Variants in DNAH8 observed in about 807,000 individuals in gnomAD.
DNAH8 encodes axonemal beta dynein heavy chain 8.
Under a neutral mutation model 562.1 loss-of-function variants are expected in DNAH8, and 382 were observed. The ratio of observed to expected loss-of-function variants is 0.68; its 90% CI spans 0.63 to 0.74. The LOEUF (loss-of-function observed/expected upper bound fraction) is 0.74, where lower values mean the gene tolerates loss of function less well. DNAH8 is among the 30% of genes least tolerant of loss of function. The pLI is 0.00. For missense variants in DNAH8, 5,203 were observed against 5,620.4 expected (o/e 0.93, Z 2.37); for synonymous variants, 1,881 against 1,919.4 (o/e 0.98, Z 0.52).
At chr6:38,886,198 G>A (rs1778908120) in intron 56 of DNAH8, among the ~76,000 whole-genome samples, 1 of 152,130 alleles carries the variant, frequency 6.6e-6, no homozygotes, top group Non-Finnish European at 1.5e-5. Flanking sequence ...ACAGTTACAT[G>A]TGAGGGATGA....
Position 38,917,234 on chromosome 6 carries a change from TA to T in DNAH8, c.10141-4del, listed in dbSNP as rs11291395. On this transcript the variant is annotated splice_polypyrimidine_tract_variant and splice_region_variant and intron_variant, in intron 68 of 92. Transcript: ENST00000327475. ...CAAAATATTGATCCTTAATCCCAAA[TA>T]TAGACTATCAAGCCAAATGATATTG... 0.44 allele frequency: 704,259 copies of T among 1,599,248 alleles called. 160,040 individuals carry two copies. The highest frequency in any genetic ancestry group is 0.69 in the African/African-American group (51,339 of 74,350).
intron 10 of DNAH8, among the ~76,000 whole-genome samples, chr6:38,760,409 G>A (rs1766373870): frequency 6.6e-6 from 1 of 151,916 alleles, no homozygotes; most frequent in Non-Finnish European, 1.5e-5. Flanking sequence ...TATTCTCCCA[G>A]GAAGCTTTTA....
rs1341087912 is a variant in DNAH8, at chr6:38,842,840, T to C, written c.4782T>C (p.Ser1594=). ...ELTGTPFDVE[S]DSFCLRNIME... is the part of the protein sequence containing the mutation. ...CTGGAACCCCATTTGATGTGGAATC[T>C]GATTCTTTTTGCCTTAGAAATATCA... is the stretch of plus-strand genomic sequence containing the variant. Residue 1594 remains serine (S), a synonymous_variant, in exon 35 of 93, where the codon TCT becomes TCC. Coordinates refer to ENST00000327475, the MANE Select transcript of DNAH8 (RefSeq NM_001206927.2). 7 of 1,613,914 alleles carry C rather than the reference T, an allele frequency of 4.3e-6. No homozygotes were observed. The South Asian group carries it at 7.7e-5, about 18-fold the overall frequency.
chr6:38,891,994 A>G (rs1013602146), intron 58 of DNAH8, among the ~76,000 whole-genome samples: 1 of 152,136 alleles, frequency 6.6e-6, no homozygotes, highest in Non-Finnish European at 1.5e-5. Flanking sequence ...TTTTAGCAGC[A>G]TTTGACCTAA....
chr6:38,899,809 GC>G lies in DNAH8; in HGVS notation c.9098del (p.Ala3033AspfsTer29). On this transcript the variant is annotated frameshift_variant, in exon 62 of 93. Coordinates refer to ENST00000327475, the MANE Select transcript of DNAH8 (RefSeq NM_001206927.2). LOFTEE classifies it high-confidence loss of function. Reference protein sequence around the residue: ...SRIIRTSCGNALLVGVGGSGK... With the variant: ...SRIIRTSCGNXLLVGVGGSGK... ...AATAATTCGAACGTCGTGTGGAAAT[GC>G]ATTGCTGGTGGGTGTTGGTGGTTCC... The G allele has an allele frequency of 6.2e-7, 1 of 1,613,638 alleles. No individual in the cohort carries two copies. Among genetic ancestry groups the G allele is most frequent in the South Asian group, 1.1e-5 (1 of 91,000 alleles).
At chr6:38,887,796 A>G (rs1779056021) in intron 57 of DNAH8, among the ~76,000 whole-genome samples, 1 of 151,358 alleles carries the variant, frequency 6.6e-6, no homozygotes, top group Admixed American at 6.6e-5. Context: ...TAATTATTTG[A>G]TATAGCAAGT....
At chr6:38,843,009 C>G in intron 35 of DNAH8, 106 bp downstream of exon 35, 1 of 1,139,866 alleles carries the variant, frequency 8.8e-7, no homozygotes, top group Non-Finnish European at 1.2e-6. Flanking sequence ...TAATTGCCCT[C>G]TATAATGCAC....
intron 82 of DNAH8, among the ~76,000 whole-genome samples, chr6:38,953,603 T>C (rs1762062815): frequency 6.6e-6 from 1 of 152,166 alleles, no homozygotes; most frequent in African/African-American, 2.4e-5. Context: ...CACTGAAGGA[T>C]CAAATGAATT....
At chr6:38,957,437 A>G (rs879368083) in intron 82 of DNAH8, among the ~76,000 whole-genome samples, 4 of 151,662 alleles carry the variant, frequency 2.6e-5, no homozygotes, top group Non-Finnish European at 5.9e-5. Context: ...TAGAAAATCA[A>G]TAAAGAAACA....
At position 38,854,308 on chromosome 6, in the gene DNAH8, A is replaced by G. The variant is rs567887568; in HGVS notation, c.5733+961A>G. On this transcript the variant is annotated intron_variant, in intron 41 of 92. Coordinates refer to ENST00000327475, the MANE Select transcript of DNAH8 (RefSeq NM_001206927.2). The stretch of plus-strand genomic sequence containing the variant: ...CATTCAAGAGAAATGAAAAGTGATG[A>G]TTTGTGATCTGGCCAGAGAGAGCAT... 2.0e-5 allele frequency among the ~76,000 whole-genome samples: 3 copies of G among 152,268 alleles called. 1 individual carries two copies. In the South Asian group the frequency reaches 6.2e-4, roughly 32 times the overall value.
At position 38,826,332 on chromosome 6, in the gene DNAH8, G is replaced by A. The variant is rs764782306; in HGVS notation, c.4024G>A (p.Ala1342Thr). ...AGATGATGTCAGATTTGCAATGGAA[G>A]CCTTGTCTTGCATACGTGATAATGA... ...DLDDVRFAME[A>T]LSCIRDNEIQ... The change falls in exon 29 of 93, where the codon GCC (alanine) becomes ACC (threonine). Residue 1342 changes from alanine (A) to threonine (T), a missense_variant. This residue lies in a region of DNAH8 where 2,176 missense variants were observed against 2,365.1 expected (regional missense o/e 0.92). Coordinates refer to ENST00000327475, the MANE Select transcript of DNAH8 (RefSeq NM_001206927.2). The A allele has an allele frequency of 1.2e-6, 2 of 1,613,486 alleles. No individual in the cohort carries two copies. The highest frequency in any genetic ancestry group is 8.5e-7 in the Non-Finnish European group (1 of 1,179,708).
In DNAH8 at chr6:38,805,515, A is replaced by C. The variant is rs1771189644; in HGVS notation, c.3069A>C (p.Thr1023=). 1.2e-6 allele frequency: 2 copies of C among 1,610,564 alleles called. No homozygotes were observed. The highest frequency in any genetic ancestry group is 2.7e-5 in the African/African-American group (2 of 74,884). ...AACACGTTGTTTTTGGAAGTGAAAC[A>C]GGAGAGGGTGAAAACAATGACTATG... ...QRKHVVFGSE[T]GEGENNDYEA... Residue 1023 remains threonine, a synonymous_variant, in exon 23 of 93, where the codon ACA becomes ACC. Coordinates refer to ENST00000327475, the MANE Select transcript of DNAH8 (RefSeq NM_001206927.2).
chr6:38,957,886 AAC>A (rs1491133264), intron 82 of DNAH8, among the ~76,000 whole-genome samples: 2 of 151,390 alleles, frequency 1.3e-5, no homozygotes, highest in African/African-American at 2.4e-5. Context: ...AAAAAAAAAA[AAC>A]AAGATCACAA....
At chr6:38,924,516 A>C (rs1330616554) in intron 73 of DNAH8, among the ~76,000 whole-genome samples, 1 of 152,134 alleles carries the variant, frequency 6.6e-6, no homozygotes, top group African/African-American at 2.4e-5. Flanking sequence ...CCCCCAAAAA[A>C]AAGAAACCCA....
intron 70 of DNAH8, among the ~76,000 whole-genome samples, chr6:38,919,848 A>G (rs1161211667): frequency 6.6e-6 from 1 of 152,210 alleles, no homozygotes; most frequent in South Asian, 2.1e-4. Context: ...AAGAAACTAA[A>G]CATTCCACTG....
intron 92 of DNAH8, among the ~76,000 whole-genome samples, chr6:39,027,672 C>CAA (rs774214601): frequency 4.6e-5 from 7 of 151,884 alleles, no homozygotes; most frequent in Non-Finnish European, 1.0e-4. Context: ...ACTAAAAATA[C>CAA]AAAACTTAGC....
Position 38,886,905 on chromosome 6 carries a change from C to T in DNAH8, c.8374C>T (p.Pro2792Ser), listed in dbSNP as rs144518341. The T allele has an allele frequency of 2.5e-6, 4 of 1,613,896 alleles. No individual in the cohort carries two copies. The highest frequency in any genetic ancestry group is 3.4e-6 in the Non-Finnish European group (4 of 1,179,842). ...GCAGCTCATAGCAGCAATGATCCAC[C>T]CTGGAGGTGGTCGAAATGATATTCC... Reference protein sequence around the residue: ...DVQLIAAMIHPGGGRNDIPQR... With the variant: ...DVQLIAAMIHSGGGRNDIPQR... Residue 2792 changes from proline (P) to serine (S), a missense_variant, in exon 57 of 93, where the codon CCT becomes TCT. By Grantham distance (74) the Pro-to-Ser change is moderately conservative. Coordinates refer to ENST00000327475, the MANE Select transcript of DNAH8 (RefSeq NM_001206927.2).
intron 8 of DNAH8, among the ~76,000 whole-genome samples, chr6:38,743,240 C>T (rs897446170): frequency 1.3e-5 from 2 of 151,708 alleles, no homozygotes; most frequent in East Asian, 1.9e-4. Context: ...TGGGCTCAAG[C>T]GATTCTTCCA....
intron 2 of DNAH8, 27 bp downstream of exon 2, chr6:38,723,226 T>A (rs1762927013): frequency 6.3e-7 from 1 of 1,588,632 alleles, no homozygotes; most frequent in Admixed American, 1.8e-5. Context: ...ATTTTTCATG[T>A]GTGCCACTTT....
Sources: gnomAD v4.1 joint callset for allele counts (sites outside exome capture counted in the v4.1 genomes callset) on GRCh38, gnomAD v4.1.1 for gene constraint, gnomAD v4.1.1 regional missense constraint, MANE v1.5 for transcripts, NCBI Gene and HGNC (gene_info 2026-07-23, HGNC 2026-07-21) for gene names.